The following CCDC6 variants were observed in gnomAD, a reference collection of about 807,000 sequenced individuals.
The protein encoded by CCDC6 is coiled-coil domain-containing protein 6.
In CCDC6, 20 loss-of-function variants were observed where a neutral mutation model predicts 56.6. The observed-to-expected ratio is 0.35, with a 90% CI of 0.25 to 0.51. The LOEUF is 0.51. Ranked by LOEUF, CCDC6 falls within the 20% of genes least tolerant of loss-of-function variation. The pLI is 0.95. For synonymous variants in CCDC6, 241 were observed against 234.4 expected, an observed-to-expected ratio of 1.03 and a Z score of -0.26; for missense variants, 367 against 601.1, an observed-to-expected ratio of 0.61 and a Z score of 4.07.
chr10:59,801,272 TCTTC>T (rs1209672061), intron 7 of CCDC6, among the ~76,000 whole-genome samples: 2 of 152,218 alleles, frequency 1.3e-5, no homozygotes, highest in African/African-American at 4.8e-5. Context: ...TATGAAAACA[TCTTC>T]CTTGTTAAAA....
intron 2 of CCDC6, among the ~76,000 whole-genome samples, chr10:59,834,233 GA>G (rs938845441): frequency 2.2e-4 from 33 of 149,844 alleles, no homozygotes; most frequent in South Asian, 1.1e-3. Flanking sequence ...TCAGTTTAAG[GA>G]AAAAAAAAAT....
chr10:59,876,473 C>A (rs1370879213), intron 1 of CCDC6, among the ~76,000 whole-genome samples: 1 of 151,728 alleles, frequency 6.6e-6, no homozygotes, highest in Admixed American at 6.6e-5. Context: ...GGCTCCCTTA[C>A]CCAGAAAGGA....
At chr10:59,862,088 C>T (rs1564750917) in intron 1 of CCDC6, among the ~76,000 whole-genome samples, 3 of 152,064 alleles carry the variant, frequency 2.0e-5, no homozygotes, top group African/African-American at 7.3e-5. Context: ...AGAAAAAGGA[C>T]AGTATAAAAA....
intron 1 of CCDC6, among the ~76,000 whole-genome samples, chr10:59,872,268 T>C (rs961882575): frequency 1.3e-5 from 2 of 152,236 alleles, no homozygotes; most frequent in African/African-American, 2.4e-5. Flanking sequence ...ATCGTTACAA[T>C]GAACATGCTT....
chr10:59,792,825 T>C lies in CCDC6; in HGVS notation c.*92A>G, dbSNP rs1406488876. 2.4e-6 allele frequency: 3 copies of C among 1,268,534 alleles called. No individual in the cohort carries two copies. Among genetic ancestry groups the C allele is most frequent in the Non-Finnish European group, 3.5e-6 (3 of 866,080 alleles). The allele number at this position is 1,268,534 out of a possible 1,614,324, so 78.6% of individuals were successfully genotyped here. ...AGATAACCTCAGTGCAAATAAGTCA[T>C]ATCCAAATATGCCAGAGAAGGAAGC... On this transcript the variant is annotated 3_prime_UTR_variant, in exon 9 of 9. Coordinates refer to ENST00000263102, the MANE Select transcript of CCDC6 (RefSeq NM_005436.5).
At chr10:59,809,321 T>A (rs1398718989) in intron 5 of CCDC6, among the ~76,000 whole-genome samples, 3 of 152,148 alleles carry the variant, frequency 2.0e-5, no homozygotes, top group Non-Finnish European at 4.4e-5. Context: ...GAGAACATTG[T>A]CTTTCAAAGA....
intron 2 of CCDC6, among the ~76,000 whole-genome samples, chr10:59,845,060 A>G (rs1312360113): frequency 6.6e-6 from 1 of 152,312 alleles, no homozygotes; most frequent in African/African-American, 2.4e-5. Context: ...ATTTAGAACT[A>G]CAAAGTTTTA....
At chr10:59,827,235 A>G (rs2070795527) in intron 3 of CCDC6, among the ~76,000 whole-genome samples, 1 of 152,200 alleles carries the variant, frequency 6.6e-6, no homozygotes, top group African/African-American at 2.4e-5. Flanking sequence ...CCATTACTGG[A>G]TTTTGAAATT....
intron 1 of CCDC6, among the ~76,000 whole-genome samples, chr10:59,890,615 G>A (rs938621369): frequency 6.6e-6 from 1 of 152,172 alleles, no homozygotes; most frequent in Non-Finnish European, 1.5e-5. Context: ...TACTATGATC[G>A]CTTTTTAGAG....
intron 3 of CCDC6, among the ~76,000 whole-genome samples, chr10:59,816,657 A>G (rs1239542971): frequency 6.6e-6 from 1 of 152,246 alleles, no homozygotes; most frequent in Non-Finnish European, 1.5e-5. Context: ...AACCATTGAT[A>G]ACTAATGGGC....
intron 1 of CCDC6, among the ~76,000 whole-genome samples, chr10:59,876,490 G>A (rs994733706): frequency 2.2e-4 from 33 of 150,344 alleles, no homozygotes; most frequent in African/African-American, 7.9e-4. Context: ...AGGATACCAG[G>A]CCCAGGTGTG....
chr10:59,886,897 C>A (rs995135145), intron 1 of CCDC6, among the ~76,000 whole-genome samples: 1 of 152,126 alleles, frequency 6.6e-6, no homozygotes, highest in African/African-American at 2.4e-5. Flanking sequence ...TGCTTATCCA[C>A]CCCCTTGAGA....
At position 59,812,751 on chromosome 10, in the gene CCDC6, G is replaced by A; in HGVS notation, c.731C>T (p.Ser244Leu). Residue 244 changes from serine (S) to leucine (L), a missense_variant, in exon 5 of 9, where the codon TCG (serine) becomes TTG (leucine). By Grantham distance (145) the Ser-to-Leu change is moderately radical. This residue lies in a region of CCDC6 where 81 missense variants were observed against 150.8 expected (regional missense o/e 0.54). Transcript: ENST00000263102. ...KLDQPVSAPP[S>L]PRDISMEIDS... ...AATCTCCATGGAGATATCTCTAGGC[G>A]ATGGTGGAGCAGAGACGGGCTGGTC... The A allele has an allele frequency of 6.2e-7, 1 of 1,611,492 alleles. No homozygotes were observed. Among genetic ancestry groups the A allele is most frequent in the Non-Finnish European group, 8.5e-7 (1 of 1,178,074 alleles).
At chr10:59,795,864 T>C (rs1368899715) in intron 7 of CCDC6, among the ~76,000 whole-genome samples, 1 of 152,128 alleles carries the variant, frequency 6.6e-6, no homozygotes, top group African/African-American at 2.4e-5. Flanking sequence ...ATTTTCTTAA[T>C]CCAGTCTATC....
chr10:59,897,256 ATTTTT>A (rs953926335), intron 1 of CCDC6, among the ~76,000 whole-genome samples: 1 of 145,356 alleles, frequency 6.9e-6, no homozygotes, highest in Non-Finnish European at 1.5e-5. Context: ...TATTAGGATA[ATTTTT>A]TTTTTTTTTG....
At chr10:59,879,071 T>C (rs112111099) in intron 1 of CCDC6, among the ~76,000 whole-genome samples, 66 of 152,222 alleles carry the variant, frequency 4.3e-4, no homozygotes, top group Non-Finnish European at 9.1e-4. Context: ...TGGGTCACTA[T>C]TATGATCATC....
chr10:59,805,309 T>A (rs1187974725), intron 6 of CCDC6: 1 of 152,236 alleles, frequency 6.6e-6, no homozygotes, highest in Non-Finnish European at 1.5e-5. Context: ...ACTAGTAGAC[T>A]AAGAGGCATC....
intron 2 of CCDC6, 42 bp from the exon 3 acceptor site, chr10:59,832,695 C>T: frequency 6.3e-7 from 1 of 1,599,614 alleles, no homozygotes; most frequent in South Asian, 1.1e-5. Context: ...TCAGGCAACT[C>T]AAATGCCATG....
chr10:59,906,159 TC>T lies in CCDC6; in HGVS notation c.265del (p.Glu89ArgfsTer11). On this transcript the variant is annotated frameshift_variant, in exon 1 of 9. Coordinates refer to ENST00000263102, the MANE Select transcript of CCDC6 (RefSeq NM_005436.5). LOFTEE classifies it high-confidence loss of function. The part of the protein sequence containing the change: ...TYKLKCKALQ[E>X]ENRDLRKASV... ...GGCTTTGCGCAGGTCGCGGTTCTCC[TC>T]CTGCAGTGCCTTGCACTTCAGTTTG... The T allele has an allele frequency of 6.2e-7, 1 of 1,608,844 alleles. No homozygotes were observed. The highest frequency in any genetic ancestry group is 8.5e-7 in the Non-Finnish European group (1 of 1,177,510).
Sources: gnomAD v4.1 joint callset for allele counts (sites outside exome capture counted in the v4.1 genomes callset) on GRCh38, gnomAD v4.1.1 for gene constraint, gnomAD v4.1.1 regional missense constraint, MANE v1.5 for transcripts, NCBI Gene and HGNC (gene_info 2026-07-23, HGNC 2026-07-21) for gene names.